Variants in KCNIP1 observed in about 807,000 individuals in gnomAD.
KCNIP1 encodes potassium voltage-gated channel interacting protein 1.
Under a neutral mutation model 33.0 loss-of-function variants are expected in KCNIP1, and 18 were observed. The observed-to-expected ratio is 0.55, with a 90% confidence interval of 0.38 to 0.81. The LOEUF (loss-of-function observed/expected upper bound fraction) is 0.81. Among genes scored for constraint, KCNIP1 ranks in the 30% least tolerant of loss-of-function variants. KCNIP1 has a pLI of 0.00. For missense variants in KCNIP1, 238 were observed against 271.6 expected (o/e 0.88, Z 0.87); for synonymous variants, 93 against 98.3 (o/e 0.95, Z 0.32).
intron 1 of KCNIP1, among the ~76,000 whole-genome samples, chr5:170,404,246 A>G (rs1389853241): frequency 6.6e-6 from 1 of 152,232 alleles, no homozygotes; most frequent in Non-Finnish European, 1.5e-5. Context: ...GGAAACTAAT[A>G]AAAAATCATC....
At chr5:170,549,865 C>A (rs1756543965) in intron 1 of KCNIP1, among the ~76,000 whole-genome samples, 2 of 152,118 alleles carry the variant, frequency 1.3e-5, no homozygotes, top group African/African-American at 4.8e-5. Context: ...GGGTAGAATT[C>A]ACTACTGTCA....
intron 1 of KCNIP1, among the ~76,000 whole-genome samples, chr5:170,693,834 G>A (rs1762804476): frequency 6.6e-6 from 1 of 152,236 alleles, no homozygotes. Flanking sequence ...GGGGGTCTGA[G>A]GAAGGGCTGG....
At chr5:170,482,909 C>G (rs1314121216) in intron 1 of KCNIP1, among the ~76,000 whole-genome samples, 2 of 152,184 alleles carry the variant, frequency 1.3e-5, no homozygotes. Context: ...TTGTCCCACC[C>G]CTTCTGTCCT....
At chr5:170,501,452 A>G (rs377056013), upstream of KCNIP1, among the ~76,000 whole-genome samples, 2 of 152,334 alleles carry the variant, frequency 1.3e-5, no homozygotes, top group South Asian at 2.1e-4. Flanking sequence ...CTCATAATTC[A>G]TGTTCAATGG....
intron 1 of KCNIP1, among the ~76,000 whole-genome samples, chr5:170,431,412 T>C (rs1384604396): frequency 6.6e-6 from 1 of 152,192 alleles, no homozygotes; most frequent in African/African-American, 2.4e-5. Flanking sequence ...GCTTTCCCCT[T>C]CTCTAGCCTT....
intron 1 of KCNIP1, among the ~76,000 whole-genome samples, chr5:170,526,318 T>C (rs1303611202): frequency 1.3e-5 from 2 of 152,210 alleles, no homozygotes; most frequent in Non-Finnish European, 2.9e-5. Context: ...ATATCAACTC[T>C]ACGCAGTAGC....
chr5:170,629,529 A>G (rs10059117), intron 1 of KCNIP1, among the ~76,000 whole-genome samples: 14,400 of 152,188 alleles, frequency 0.095, 751 homozygotes, highest in African/African-American at 0.1. Flanking sequence ...GCTAGCTGGG[A>G]TGCCTGGGTC....
intron 1 of KCNIP1, among the ~76,000 whole-genome samples, chr5:170,492,763 T>C (rs1757232043): frequency 6.6e-6 from 1 of 151,660 alleles, no homozygotes; most frequent in Non-Finnish European, 1.5e-5. Flanking sequence ...ATCTATTTAT[T>C]TATTTATTTA....
intron 7 of KCNIP1, 109 bp downstream of exon 7, chr5:170,734,007 C>T (rs1764299085): frequency 3.8e-6 from 3 of 788,254 alleles, no homozygotes; most frequent in African/African-American, 1.8e-5. Flanking sequence ...CCTGCAACCC[C>T]TCCCATCAGA....
rs140164184 is a variant in KCNIP1, at chr5:170,656,942, T to G, written c.62-61816T>G. 8.0e-3 allele frequency among the ~76,000 whole-genome samples: 1,213 copies of G among 152,062 alleles called. 11 individuals are homozygous for G. The highest frequency in any genetic ancestry group is 0.028 in the African/African-American group (1,155 of 41,460). ...ACATCAGCTTCACTCTGGCTGACCA[T>G]GTGCACAGACATGACTCAGTAAGTC... On this transcript the variant is annotated intron_variant, in intron 1 of 7. Transcript: ENST00000328939.
At chr5:170,630,546 GAAA>G (rs760062772) in intron 1 of KCNIP1, among the ~76,000 whole-genome samples, 49 of 152,230 alleles carry the variant, frequency 3.2e-4, no homozygotes, top group Non-Finnish European at 7.3e-5. Context: ...GAGGGCAGAT[GAAA>G]GGGCCTTACT....
chr5:170,721,811 GC>G (rs1763834651), intron 3 of KCNIP1, 21 bp from the exon 4 acceptor site: 1 of 1,613,974 alleles, frequency 6.2e-7, no homozygotes, highest in African/African-American at 1.3e-5. Context: ...CCCATCACCT[GC>G]CCTCCTTTTC....
rs531956828 is a variant in KCNIP1, at chr5:170,706,245, C to T, written c.62-12513C>T. 1.8e-4 allele frequency among the ~76,000 whole-genome samples: 28 copies of T among 152,310 alleles called. No homozygotes were observed. The South Asian group carries it at 5.8e-3, about 32-fold the overall frequency. On this transcript the variant is annotated intron_variant, in intron 1 of 7. Transcript: ENST00000328939. ...GTGTGGATTACAGGGCCTAAGCCTA[C>T]CCTCTGAAACTGGTTTTGGAGTCTT...
chr5:170,733,201 G>C (rs1268245632), intron 6 of KCNIP1, among the ~76,000 whole-genome samples: 19 of 152,172 alleles, frequency 1.2e-4, no homozygotes, highest in Admixed American at 1.2e-3. Flanking sequence ...CAACTGTGGA[G>C]GTGTTAAGCA....
At chr5:170,525,411 G>A (rs1755531060) in intron 1 of KCNIP1, among the ~76,000 whole-genome samples, 1 of 152,232 alleles carries the variant, frequency 6.6e-6, no homozygotes. Flanking sequence ...TTTAGGTAGT[G>A]CCTGAGATTT....
chr5:170,678,764 G>C (rs1282896500), intron 1 of KCNIP1, among the ~76,000 whole-genome samples: 4 of 152,124 alleles, frequency 2.6e-5, no homozygotes, highest in Non-Finnish European at 5.9e-5. Context: ...TTATGCATGA[G>C]CTTGCAAAAA....
chr5:170,548,418 T>C (rs1309513227), intron 1 of KCNIP1, among the ~76,000 whole-genome samples: 2 of 152,228 alleles, frequency 1.3e-5, no homozygotes, highest in African/African-American at 2.4e-5. Context: ...TCCTTGATAA[T>C]TATTAGAGGA....
chr5:170,685,766 G>A (rs1762517843), intron 1 of KCNIP1, among the ~76,000 whole-genome samples: 1 of 152,240 alleles, frequency 6.6e-6, no homozygotes, highest in South Asian at 2.1e-4. Flanking sequence ...TGGGATTACA[G>A]GTGTGAGCCA....
Position 170,480,749 on chromosome 5 carries a change from G to A in KCNIP1, c.88+126785G>A, listed in dbSNP as rs559488526. 1.1e-4 allele frequency among the ~76,000 whole-genome samples: 16 copies of A among 152,138 alleles called. No homozygotes were observed. In the South Asian group the frequency reaches 1.7e-3, roughly 16 times the overall value. ...GTGAGGCACTGCACCCGGCCAAGAC[G>A]AGGAATTTAAACCCTGCAGTTTGCT... On this transcript the variant is annotated intron_variant, in intron 1 of 7. Coordinates refer to the KCNIP1 transcript ENST00000377360.
Sources: gnomAD v4.1 joint callset for allele counts (sites outside exome capture counted in the v4.1 genomes callset) on GRCh38, gnomAD v4.1.1 for gene constraint, MANE v1.5 for transcripts, NCBI Gene and HGNC (gene_info 2026-07-23, HGNC 2026-07-21) for gene names.